The following PRKG1 variants were observed in gnomAD, a reference collection of about 807,000 sequenced individuals.
The protein encoded by PRKG1 is protein kinase cGMP-dependent 1, also known as cGMP-dependent protein kinase 1.
PRKG1 carries 35 observed loss-of-function variants against 88.1 expected under a neutral mutation model. The ratio of observed to expected loss-of-function variants is 0.40; its 90% CI spans 0.30 to 0.53. The LOEUF is 0.53. PRKG1 is among the 20% of genes least tolerant of loss of function. The pLI is 0.59. For missense variants in PRKG1, 540 were observed against 839.8 expected (o/e 0.64, Z 4.41); for synonymous variants, 303 against 292.5 (o/e 1.04, Z -0.37).
Position 51,811,801 on chromosome 10 carries a change from C to T in PRKG1, c.698+7111C>T, listed in dbSNP as rs144220325. 6.7e-3 allele frequency among the ~76,000 whole-genome samples: 1,017 copies of T among 152,224 alleles called. 10 individuals carry two copies. Among genetic ancestry groups the T allele is most frequent in the African/African-American group, 0.023 (964 of 41,522 alleles). ...CCTCTAAGGAAAGAGAAAGTAACTG[C>T]ACAGAGATGCCCTTGTAATATCCAT... On this transcript the variant is annotated intron_variant, in intron 4 of 17. Coordinates refer to ENST00000373980, the MANE Select transcript of PRKG1 (RefSeq NM_006258.4).
chr10:52,113,181 G>A (rs1299395158), intron 7 of PRKG1, among the ~76,000 whole-genome samples: 1 of 152,140 alleles, frequency 6.6e-6, no homozygotes, highest in Non-Finnish European at 1.5e-5. Flanking sequence ...ATTACTTATT[G>A]TTTACTAAAA....
intron 9 of PRKG1, among the ~76,000 whole-genome samples, chr10:52,201,810 G>A (rs1839677075): frequency 1.3e-5 from 2 of 151,670 alleles, no homozygotes; most frequent in Non-Finnish European, 3.0e-5. Flanking sequence ...TTTTTTGTGT[G>A]GGTGGCTACT....
intron 1 of PRKG1, among the ~76,000 whole-genome samples, chr10:51,083,090 C>A (rs971044233): frequency 1.3e-4 from 20 of 152,154 alleles, no homozygotes; most frequent in Admixed American, 1.2e-3. Flanking sequence ...TTTTGAGCAA[C>A]CCAAGTCCCT....
chr10:51,372,675 T>C (rs1310995562), intron 2 of PRKG1, among the ~76,000 whole-genome samples: 1 of 152,190 alleles, frequency 6.6e-6, no homozygotes, highest in Non-Finnish European at 1.5e-5. Context: ...TTTTAAAACA[T>C]TACAAATGGA....
chr10:51,398,647 G>A (rs930503490), intron 2 of PRKG1, among the ~76,000 whole-genome samples: 1 of 152,250 alleles, frequency 6.6e-6, no homozygotes, highest in Admixed American at 6.5e-5. Flanking sequence ...CTAGGTCACA[G>A]TGTGTGCCCA....
intron 4 of PRKG1, among the ~76,000 whole-genome samples, chr10:51,892,409 A>G (rs918560369): frequency 3.9e-5 from 6 of 152,202 alleles, no homozygotes; most frequent in Non-Finnish European, 8.8e-5. Context: ...TCATAAACTA[A>G]GGATTAAGAG....
chr10:52,293,498 T>G (rs1842315065), intron 17 of PRKG1, among the ~76,000 whole-genome samples: 1 of 152,200 alleles, frequency 6.6e-6, no homozygotes, highest in Non-Finnish European at 1.5e-5. Flanking sequence ...TCACGCTACA[T>G]GATCACTCTT....
intron 12 of PRKG1, among the ~76,000 whole-genome samples, chr10:52,279,882 A>G (rs75772010): frequency 0.018 from 2,747 of 152,090 alleles, 83 homozygotes; most frequent in African/African-American, 0.063. Context: ...AAAAAAGTAC[A>G]TGGTTTATCT....
At chr10:52,188,320 A>G (rs1283119469) in intron 9 of PRKG1, among the ~76,000 whole-genome samples, 3 of 139,636 alleles carry the variant, frequency 2.1e-5, no homozygotes, top group African/African-American at 5.4e-5. Context: ...ATACATATGT[A>G]TATATATACA....
At chr10:51,021,211 T>C (rs193231865) in intron 1 of PRKG1, among the ~76,000 whole-genome samples, 54 of 152,262 alleles carry the variant, frequency 3.5e-4, no homozygotes, top group African/African-American at 1.2e-3. Flanking sequence ...AATTTTGATA[T>C]AGAAGAAAGA....
chr10:52,150,218 A>G (rs7074088), intron 8 of PRKG1, among the ~76,000 whole-genome samples: 35,542 of 149,238 alleles, frequency 0.24, 4,471 homozygotes, highest in African/African-American at 0.32. Context: ...TTTGAGAGAG[A>G]GAGAAAGCAG....
intron 1 of PRKG1, among the ~76,000 whole-genome samples, chr10:51,063,584 G>T (rs191073614): frequency 5.2e-4 from 79 of 152,234 alleles, no homozygotes; most frequent in Non-Finnish European, 8.1e-4. Context: ...TGTATATGCG[G>T]TCTATCATTG....
At chr10:51,937,892 T>C (rs959116685) in intron 5 of PRKG1, among the ~76,000 whole-genome samples, 8 of 152,074 alleles carry the variant, frequency 5.3e-5, no homozygotes, top group African/African-American at 1.9e-4. Flanking sequence ...GTCTGAGTAG[T>C]GTGATGAAAG....
intron 3 of PRKG1, among the ~76,000 whole-genome samples, chr10:51,651,148 T>C (rs1167642097): frequency 1.3e-5 from 2 of 152,194 alleles, no homozygotes; most frequent in East Asian, 3.8e-4. Flanking sequence ...CTATACTGAT[T>C]ATACCACTGA....
At chr10:51,414,490 G>A (rs1171668778) in intron 2 of PRKG1, among the ~76,000 whole-genome samples, 1 of 152,190 alleles carries the variant, frequency 6.6e-6, no homozygotes, top group African/African-American at 2.4e-5. Flanking sequence ...TCAAGGAGGT[G>A]TGTAACGAGC....
At chr10:52,269,960 T>A (rs1841674361) in intron 10 of PRKG1, among the ~76,000 whole-genome samples, 1 of 152,072 alleles carries the variant, frequency 6.6e-6, no homozygotes, top group South Asian at 2.1e-4. Context: ...AGCCTCCAAG[T>A]CTTCCCAGTT....
At chr10:51,464,617 T>A (rs57695229) in intron 2 of PRKG1, among the ~76,000 whole-genome samples, 2 of 151,436 alleles carry the variant, frequency 1.3e-5, no homozygotes, top group South Asian at 2.1e-4. Context: ...TCAGGCCGGG[T>A]GCGGTGGCTC....
At chr10:51,800,411 A>G (rs75980604) in intron 3 of PRKG1, among the ~76,000 whole-genome samples, 5,238 of 152,206 alleles carry the variant, frequency 0.034, 296 homozygotes, top group African/African-American at 0.12. Context: ...ACCAAACATC[A>G]TAGCTTTGGC....
chr10:52,076,911 AAAATT>A (rs1846641433), intron 7 of PRKG1, among the ~76,000 whole-genome samples: 3 of 152,376 alleles, frequency 2.0e-5, no homozygotes, highest in Admixed American at 1.3e-4. Flanking sequence ...TAGAATATCT[AAAATT>A]AAAAGGATTG....
Sources: allele counts gnomAD v4.1 joint callset (sites outside exome capture counted in the v4.1 genomes callset), GRCh38; gene constraint gnomAD v4.1.1; transcripts MANE v1.5; gene names NCBI Gene and HGNC (gene_info 2026-07-23, HGNC 2026-07-21).